Variants in ADIPOR2 observed in about 807,000 individuals in gnomAD.
The protein encoded by ADIPOR2 is adiponectin receptor 2, also known as adiponectin receptor protein 2.
Under a neutral mutation model 40.9 loss-of-function variants are expected in ADIPOR2, and 18 were observed. The observed-to-expected ratio is 0.44, with a 90% CI of 0.30 to 0.65. ADIPOR2 has a LOEUF of 0.65. ADIPOR2 is among the 30% of genes least tolerant of loss of function. The pLI, the probability that ADIPOR2 is intolerant of heterozygous loss-of-function variation, is 0.09. For missense variants in ADIPOR2, 283 were observed against 479.2 expected, an observed-to-expected ratio of 0.59 and a Z score of 3.82; for synonymous variants, 165 against 166.4, an observed-to-expected ratio of 0.99 and a Z score of 0.06.
intron 2 of ADIPOR2, among the ~76,000 whole-genome samples, chr12:1,766,324 T>A (rs1192877694): frequency 6.6e-6 from 1 of 152,206 alleles, no homozygotes; most frequent in African/African-American, 2.4e-5. Context: ...CATACTGATG[T>A]CTGAACCTGA....
chr12:1,732,039 A>G (rs531604336), intron 1 of ADIPOR2, among the ~76,000 whole-genome samples: 140 of 151,814 alleles, frequency 9.2e-4, no homozygotes, highest in African/African-American at 3.3e-3. Flanking sequence ...GAGCATTTTT[A>G]TGTTATAGAA....
At chr12:1,729,646 G>GTTTTT (rs58714863) in intron 1 of ADIPOR2, among the ~76,000 whole-genome samples, 1 of 117,988 alleles carries the variant, frequency 8.5e-6, no homozygotes, top group Non-Finnish European at 1.7e-5. Context: ...TTTTTTGAGT[G>GTTTTT]TTTTTTTTTG....
chr12:1,744,700 G>A lies in ADIPOR2; in HGVS notation c.-86-9558G>A, dbSNP rs562908544. Among the ~76,000 whole-genome samples, 16 of 152,150 alleles carry A rather than the reference G, an allele frequency of 1.1e-4. 1 individual carries two copies. The South Asian group carries it at 2.5e-3, about 24-fold the overall frequency. The stretch of plus-strand genomic sequence containing the variant: ...TAATAAAAGCACTATTTTAATGTTC[G>A]GAACTATTTTCATTATTTGCTAACC... On this transcript the variant is annotated intron_variant, in intron 1 of 7. Coordinates refer to ENST00000357103, the MANE Select transcript of ADIPOR2 (RefSeq NM_024551.3).
chr12:1,752,432 G>A (rs1434075199), intron 1 of ADIPOR2, among the ~76,000 whole-genome samples: 2 of 151,860 alleles, frequency 1.3e-5, no homozygotes, highest in Admixed American at 1.3e-4. Context: ...ACTTTACAAA[G>A]CTTTATTCTA....
At chr12:1,771,489 T>C (rs1862493759) in intron 2 of ADIPOR2, among the ~76,000 whole-genome samples, 1 of 152,124 alleles carries the variant, frequency 6.6e-6, no homozygotes, top group Non-Finnish European at 1.5e-5. Flanking sequence ...AAATAGGAAC[T>C]ATGAAGGTTA....
intron 1 of ADIPOR2, among the ~76,000 whole-genome samples, chr12:1,731,875 A>T (rs1352801939): frequency 6.6e-6 from 1 of 152,202 alleles, no homozygotes; most frequent in African/African-American, 2.4e-5. Flanking sequence ...GAGGCAGGAG[A>T]ATCGCGGGAA....
intron 1 of ADIPOR2, among the ~76,000 whole-genome samples, chr12:1,718,718 C>T (rs998058774): frequency 2.0e-5 from 3 of 152,278 alleles, no homozygotes; most frequent in Admixed American, 6.5e-5. Context: ...GGTATCTTTC[C>T]ATGGGTACAA....
At chr12:1,744,181 A>C (rs1056235089) in intron 1 of ADIPOR2, among the ~76,000 whole-genome samples, 10 of 150,466 alleles carry the variant, frequency 6.6e-5, no homozygotes, top group African/African-American at 2.4e-4. Flanking sequence ...ATCTTAGCTC[A>C]CTGCAAGCTC....
intron 1 of ADIPOR2, among the ~76,000 whole-genome samples, chr12:1,711,472 G>A (rs533069121): frequency 3.2e-4 from 49 of 152,158 alleles, no homozygotes; most frequent in Admixed American, 5.9e-4. Flanking sequence ...CCAGTTGGTG[G>A]GGAGGCAGAT....
At chr12:1,713,376 T>A (rs2094681406) in intron 1 of ADIPOR2, among the ~76,000 whole-genome samples, 1 of 152,172 alleles carries the variant, frequency 6.6e-6, no homozygotes, top group Non-Finnish European at 1.5e-5. Context: ...AATTGGGGTG[T>A]TGCAGGGACT....
intron 1 of ADIPOR2, among the ~76,000 whole-genome samples, chr12:1,699,643 C>G (rs1042727751): frequency 6.6e-6 from 1 of 152,166 alleles, no homozygotes; most frequent in Admixed American, 6.6e-5. Context: ...AAGAGCGAAA[C>G]TCCGTCTTAA....
chr12:1,752,176 G>A (rs536170640), intron 1 of ADIPOR2, among the ~76,000 whole-genome samples: 9 of 146,988 alleles, frequency 6.1e-5, no homozygotes, highest in East Asian at 2.1e-4. Context: ...TGATCTGCCC[G>A]TCTCGGCCCC....
At chr12:1,773,280 C>T (rs912040946) in intron 3 of ADIPOR2, among the ~76,000 whole-genome samples, 4 of 152,142 alleles carry the variant, frequency 2.6e-5, no homozygotes, top group Admixed American at 6.5e-5. Context: ...AAGTGGTTGA[C>T]GCCTGGAGAT....
chr12:1,744,905 T>C (rs1241744415), intron 1 of ADIPOR2, among the ~76,000 whole-genome samples: 1 of 152,254 alleles, frequency 6.6e-6, no homozygotes, highest in Non-Finnish European at 1.5e-5. Context: ...AGTCCACTCC[T>C]AAAGAAGTCC....
intron 1 of ADIPOR2, among the ~76,000 whole-genome samples, chr12:1,733,880 T>G (rs2094725310): frequency 6.6e-6 from 1 of 152,020 alleles, no homozygotes; most frequent in African/African-American, 2.4e-5. Context: ...TCCTTGGCGA[T>G]AGTTTGCTGA....
chr12:1,736,502 T>C (rs1453359830), intron 1 of ADIPOR2, among the ~76,000 whole-genome samples: 12 of 152,346 alleles, frequency 7.9e-5, no homozygotes, highest in African/African-American at 2.2e-4. Flanking sequence ...TCTTCTCTCT[T>C]TTCTTCTTTA....
chr12:1,704,015 G>GTT (rs772767475), intron 1 of ADIPOR2, among the ~76,000 whole-genome samples: 1,701 of 54,456 alleles, frequency 0.031, 25 homozygotes, highest in Middle Eastern at 0.12. Context: ...GCCCCCACCA[G>GTT]TTTTTTTTTT....
Position 1,754,916 on chromosome 12 carries a change from TGTTGG to T in ADIPOR2, c.171+403_171+407del, listed in dbSNP as rs1862091573. On this transcript the variant is annotated intron_variant, in intron 2 of 7. Coordinates refer to ENST00000357103, the MANE Select transcript of ADIPOR2 (RefSeq NM_024551.3). The stretch of plus-strand genomic sequence containing the variant: ...CTTTAGCAGAGATGAGGTTTTGCCA[TGTTGG>T]CCAGGCTGGTCTCGAACTCCTTACC... Among the ~76,000 whole-genome samples, 11 of 77,494 alleles carry T rather than the reference TGTTGG, an allele frequency of 1.4e-4. 3 individuals are homozygous for T. Among genetic ancestry groups the T allele is most frequent in the South Asian group, 4.3e-4 (1 of 2,324 alleles). 50.8% of individuals were successfully genotyped at this position (77,494 alleles called of 152,430 possible).
At position 1,731,562 on chromosome 12, in the gene ADIPOR2, C is replaced by A. The variant is rs1159708613; in HGVS notation, c.-86-22696C>A. Among the ~76,000 whole-genome samples the A allele has an allele frequency of 3.3e-5, 5 of 152,204 alleles. No individual in the cohort carries two copies. In the East Asian group the frequency reaches 7.7e-4, roughly 23 times the overall value. ...GTTCTATTACACTTTCTGACGCTATCAGTTTGCCTGTTCTAAGTATCATAT... is the reference window on the plus strand; with the variant it reads ...GTTCTATTACACTTTCTGACGCTATAAGTTTGCCTGTTCTAAGTATCATAT... On this transcript the variant is annotated intron_variant, in intron 1 of 7. Coordinates refer to ENST00000357103, the MANE Select transcript of ADIPOR2 (RefSeq NM_024551.3).
Sources: gnomAD v4.1 joint callset for allele counts (sites outside exome capture counted in the v4.1 genomes callset) on GRCh38, gnomAD v4.1.1 for gene constraint, MANE v1.5 for transcripts, NCBI Gene and HGNC (gene_info 2026-07-23, HGNC 2026-07-21) for gene names.